Variants in SESTD1 observed in about 807,000 individuals in gnomAD.
SESTD1 encodes SEC14 domain and spectrin repeat-containing protein 1.
In SESTD1, 43 loss-of-function variants were observed where a neutral mutation model predicts 101.7. The observed-to-expected ratio is 0.42, with a 90% CI of 0.33 to 0.55. The LOEUF (loss-of-function observed/expected upper bound fraction) is 0.55, where lower values mean the gene tolerates loss of function less well. Among genes scored for constraint, SESTD1 ranks in the 20% least tolerant of loss-of-function variants. The pLI is 0.07. For synonymous variants in SESTD1, 283 were observed against 286.8 expected, an observed-to-expected ratio of 0.99 and a Z score of 0.13; for missense variants, 647 against 815.1, an observed-to-expected ratio of 0.79 and a Z score of 2.51.
At chr2:179,197,528 T>C (rs1344234306) in intron 1 of SESTD1, among the ~76,000 whole-genome samples, 10 of 151,838 alleles carry the variant, frequency 6.6e-5, no homozygotes, top group Non-Finnish European at 1.5e-4. Flanking sequence ...AAAGTTGAAA[T>C]GAAGGAAAAA....
At position 179,106,983 on chromosome 2, in the gene SESTD1, A is replaced by C. The variant is rs1016296478; in HGVS notation, c.*2916T>G. The C allele has an allele frequency of 7.2e-5, 11 of 152,202 alleles. No individual in the cohort carries two copies. The highest frequency in any genetic ancestry group is 2.4e-4 in the African/African-American group (10 of 41,452). 9.4% of individuals were successfully genotyped at this position (152,202 alleles called of 1,614,324 possible). A position where few individuals can be genotyped will look rare whatever the true frequency, so the allele number is the denominator to read the frequency against. ...CAAACAAAAAAACCCAAAAAAACCA[A>C]AACAAAATGAAACTAACCCTGCCAG... On this transcript the variant is annotated 3_prime_UTR_variant, in exon 18 of 18. Transcript: ENST00000428443.
intron 6 of SESTD1, among the ~76,000 whole-genome samples, 185 bp from the exon 7 acceptor site, chr2:179,149,579 A>G (rs2045474598): frequency 1.3e-5 from 2 of 152,216 alleles, no homozygotes; most frequent in African/African-American, 4.8e-5. Flanking sequence ...TTCCTAAAGC[A>G]ATGAATAGTT....
intron 17 of SESTD1, among the ~76,000 whole-genome samples, chr2:179,112,206 T>C (rs999771934): frequency 9.2e-5 from 14 of 152,182 alleles, no homozygotes. Context: ...ATACCTGAGA[T>C]TGTAAGTTTA....
chr2:179,148,779 G>C lies in SESTD1; in HGVS notation c.581+518C>G, dbSNP rs540956641. The stretch of plus-strand genomic sequence containing the variant: ...ATACATTACTATTAATTTAAAAATG[G>C]GCCGGGTGCGGTGGCTCACGTCTGT... On this transcript the variant is annotated intron_variant, in intron 7 of 17. Transcript: ENST00000428443. Among the ~76,000 whole-genome samples, 213 of 152,122 alleles carry C rather than the reference G, an allele frequency of 1.4e-3. 2 individuals are homozygous for C. Among genetic ancestry groups the C allele is most frequent in the African/African-American group, 4.9e-3 (204 of 41,522 alleles).
At chr2:179,138,777 G>A (rs1421684488) in intron 9 of SESTD1, among the ~76,000 whole-genome samples, 2 of 150,512 alleles carry the variant, frequency 1.3e-5, no homozygotes, top group Admixed American at 6.7e-5. Context: ...AGGCTGAGGT[G>A]GGAGGGTCAC....
intron 2 of SESTD1, among the ~76,000 whole-genome samples, chr2:179,183,984 C>G (rs912475840): frequency 1.6e-4 from 25 of 151,992 alleles, no homozygotes; most frequent in Non-Finnish European, 3.1e-4. Context: ...GAGGAATGAT[C>G]TGAGTTAACT....
chr2:179,119,417 G>C (rs936686726), intron 13 of SESTD1, among the ~76,000 whole-genome samples: 7 of 152,218 alleles, frequency 4.6e-5, no homozygotes, highest in Admixed American at 3.3e-4. Context: ...AATGATTCCA[G>C]TCTGGACATA....
At chr2:179,225,462 C>A (rs1398422556) in intron 1 of SESTD1, among the ~76,000 whole-genome samples, 2 of 151,876 alleles carry the variant, frequency 1.3e-5, no homozygotes, top group African/African-American at 4.8e-5. Context: ...AAAAAGAGAT[C>A]TTTATATTTT....
At chr2:179,244,675 T>C (rs1206944375) in intron 1 of SESTD1, among the ~76,000 whole-genome samples, 1 of 152,182 alleles carries the variant, frequency 6.6e-6, no homozygotes, top group African/African-American at 2.4e-5. Flanking sequence ...AAAAGAAATT[T>C]TCTAAATAGA....
chr2:179,253,891 G>T (rs1274978505), intron 1 of SESTD1, among the ~76,000 whole-genome samples: 1 of 151,440 alleles, frequency 6.6e-6, no homozygotes, highest in Non-Finnish European at 1.5e-5. Flanking sequence ...TTGAGCTCAG[G>T]AGTTTGAGAC....
chr2:179,132,494 AT>A (rs1268391568), intron 9 of SESTD1, 68 bp from the exon 10 acceptor site: 9 of 1,513,808 alleles, frequency 5.9e-6, no homozygotes, highest in African/African-American at 1.5e-5. Context: ...ATTCTAACTT[AT>A]TTTTCCCCTC....
At chr2:179,152,524 G>A (rs1427557137) in intron 5 of SESTD1, among the ~76,000 whole-genome samples, 1 of 152,066 alleles carries the variant, frequency 6.6e-6, no homozygotes, top group Non-Finnish European at 1.5e-5. Flanking sequence ...AACTTAAGGA[G>A]GACTTGTGGA....
chr2:179,258,569 G>A (rs1479075675), intron 1 of SESTD1, among the ~76,000 whole-genome samples: 1 of 152,172 alleles, frequency 6.6e-6, no homozygotes, highest in African/African-American at 2.4e-5. Flanking sequence ...TCTACTAGAA[G>A]GCAATTAAAT....
intron 3 of SESTD1, among the ~76,000 whole-genome samples, chr2:179,181,276 C>T (rs1273126200): frequency 6.6e-6 from 1 of 152,110 alleles, no homozygotes; most frequent in African/African-American, 2.4e-5. Flanking sequence ...CCCAGTGCCT[C>T]GGACAGGTGA....
At chr2:179,134,894 T>C (rs974297469) in intron 9 of SESTD1, among the ~76,000 whole-genome samples, 23 of 152,200 alleles carry the variant, frequency 1.5e-4, no homozygotes, top group Non-Finnish European at 2.9e-4. Flanking sequence ...AATGATAGTT[T>C]GATCTACAAT....
intron 9 of SESTD1, among the ~76,000 whole-genome samples, chr2:179,134,313 T>C (rs910398161): frequency 6.6e-6 from 1 of 152,238 alleles, no homozygotes; most frequent in African/African-American, 2.4e-5. Flanking sequence ...AATACTTTAA[T>C]GATTTTTCCA....
intron 1 of SESTD1, among the ~76,000 whole-genome samples, chr2:179,239,391 AG>A (rs34516947): frequency 6.6e-6 from 1 of 151,684 alleles, no homozygotes; most frequent in Non-Finnish European, 1.5e-5. Flanking sequence ...AGGAAGTACA[AG>A]GTTTTTTTTT....
In SESTD1 at chr2:179,104,105, G is replaced by A. The variant is rs994911707; in HGVS notation, c.*5794C>T. 1.3e-5 allele frequency: 2 copies of A among 152,154 alleles called. No individual in the cohort carries two copies. The highest frequency in any genetic ancestry group is 3.4e-3 in the Middle Eastern group (1 of 294). 9.4% of individuals were successfully genotyped at this position (152,154 alleles called of 1,614,324 possible). ...TACAGGGTGCAATGTTTACCAAATAGTTTTGCTGAGAATTTCATTACTGAT... is the reference window on the plus strand; with the variant it reads ...TACAGGGTGCAATGTTTACCAAATAATTTTGCTGAGAATTTCATTACTGAT... On this transcript the variant is annotated 3_prime_UTR_variant, in exon 18 of 18. Coordinates refer to ENST00000428443, the MANE Select transcript of SESTD1 (RefSeq NM_178123.5).
intron 9 of SESTD1, among the ~76,000 whole-genome samples, chr2:179,140,186 A>G (rs1200954242): frequency 6.6e-6 from 1 of 152,206 alleles, no homozygotes; most frequent in East Asian, 1.9e-4. Context: ...AAGAAAGAAC[A>G]ACTATCCTTA....
Sources: gnomAD v4.1 joint callset for allele counts (sites outside exome capture counted in the v4.1 genomes callset) on GRCh38, gnomAD v4.1.1 for gene constraint, MANE v1.5 for transcripts, NCBI Gene and HGNC (gene_info 2026-07-23, HGNC 2026-07-21) for gene names.